The following POU6F2 variants were observed in gnomAD, a reference collection of about 807,000 sequenced individuals.
The protein encoded by POU6F2 is POU class 6 homeobox 2, also known as POU domain, class 6, transcription factor 2.
In POU6F2, 31 loss-of-function variants were observed where a neutral mutation model predicts 71.3. That is an observed-to-expected ratio of 0.43 (90% CI 0.33 to 0.59). The LOEUF (loss-of-function observed/expected upper bound fraction) is 0.59. Among genes scored for constraint, POU6F2 ranks in the 20% least tolerant of loss-of-function variants. The probability of loss-of-function intolerance (pLI) is 0.04; values close to 1 mark genes in which losing one functional copy is unlikely to be tolerated. For missense variants in POU6F2, 783 were observed against 856.8 expected, an observed-to-expected ratio of 0.91 and a Z score of 1.07; for synonymous variants, 347 against 355.7, an observed-to-expected ratio of 0.98 and a Z score of 0.27.
chr7:39,342,160 A>T (rs1292615614), intron 5 of POU6F2, among the ~76,000 whole-genome samples: 1 of 149,364 alleles, frequency 6.7e-6, no homozygotes, highest in Non-Finnish European at 1.5e-5. Flanking sequence ...CTTGCTACAA[A>T]TTTTTTTTAA....
intron 4 of POU6F2, among the ~76,000 whole-genome samples, chr7:39,233,314 A>G (rs1794611998): frequency 6.6e-6 from 1 of 152,242 alleles, no homozygotes; most frequent in Non-Finnish European, 1.5e-5. Context: ...AAAAAAAAAA[A>G]AAATTCTGCT....
At chr7:39,265,908 A>G (rs1784230152) in intron 4 of POU6F2, among the ~76,000 whole-genome samples, 1 of 152,226 alleles carries the variant, frequency 6.6e-6, no homozygotes. Context: ...AGTGTCTCCA[A>G]GGAGTTTCCA....
At chr7:39,320,039 G>T (rs540223590) in intron 4 of POU6F2, among the ~76,000 whole-genome samples, 171 of 152,296 alleles carry the variant, frequency 1.1e-3, no homozygotes, top group African/African-American at 3.8e-3. Context: ...CTTTAAGCCG[G>T]CTCAGAGGGT....
intron 2 of POU6F2, among the ~76,000 whole-genome samples, chr7:39,101,228 C>T (rs1301712958): frequency 1.3e-5 from 2 of 151,980 alleles, no homozygotes; most frequent in African/African-American, 4.8e-5. Flanking sequence ...CACCCGCCAC[C>T]AAACCCAGCT....
chr7:39,205,452 A>C (rs1436887585), intron 3 of POU6F2, among the ~76,000 whole-genome samples: 2 of 151,910 alleles, frequency 1.3e-5, no homozygotes, highest in Admixed American at 6.6e-5. Flanking sequence ...CAAACTGGAG[A>C]GTGCATGCCC....
intron 1 of POU6F2, among the ~76,000 whole-genome samples, chr7:39,027,880 G>T (rs1324043832): frequency 2.6e-5 from 4 of 151,960 alleles, no homozygotes; most frequent in Non-Finnish European, 5.9e-5. Context: ...TTTTCTACCT[G>T]GGGTACAAGT....
At chr7:39,192,230 A>G (rs1793684003) in intron 2 of POU6F2, among the ~76,000 whole-genome samples, 1 of 152,222 alleles carries the variant, frequency 6.6e-6, no homozygotes, top group Admixed American at 6.5e-5. Flanking sequence ...ACTGAGTTCT[A>G]AATGACCCTC....
chr7:38,987,842 G>A (rs1788500548), intron 1 of POU6F2, among the ~76,000 whole-genome samples: 1 of 151,106 alleles, frequency 6.6e-6, no homozygotes, highest in Non-Finnish European at 1.5e-5. Context: ...ATGGGAGTGT[G>A]AGCTGACCAT....
At chr7:39,069,066 T>A (rs1584526586) in intron 1 of POU6F2, among the ~76,000 whole-genome samples, 1 of 152,254 alleles carries the variant, frequency 6.6e-6, no homozygotes, top group South Asian at 2.1e-4. Context: ...ATATAGAACC[T>A]CTGCGACATT....
intron 4 of POU6F2, among the ~76,000 whole-genome samples, chr7:39,229,893 C>T (rs896794583): frequency 1.3e-5 from 2 of 152,198 alleles, no homozygotes; most frequent in South Asian, 2.1e-4. Context: ...ATGCAGCTCA[C>T]GTTTATTGAG....
At chr7:39,366,419 CAGAG>C (rs1313078746) in intron 5 of POU6F2, among the ~76,000 whole-genome samples, 1 of 152,146 alleles carries the variant, frequency 6.6e-6, no homozygotes, top group Non-Finnish European at 1.5e-5. Context: ...CAAGGCATGA[CAGAG>C]AGCCAGGAGC....
intron 2 of POU6F2, among the ~76,000 whole-genome samples, chr7:39,088,709 T>G (rs1791305523): frequency 6.6e-6 from 1 of 152,242 alleles, no homozygotes; most frequent in African/African-American, 2.4e-5. Flanking sequence ...TTTAGTTTCA[T>G]GGAGAGACAT....
chr7:39,426,130 C>T (rs1488143107), intron 6 of POU6F2, among the ~76,000 whole-genome samples: 1 of 152,150 alleles, frequency 6.6e-6, no homozygotes, highest in Non-Finnish European at 1.5e-5. Flanking sequence ...GAATGGTTCC[C>T]ATCCTGCTCC....
intron 2 of POU6F2, among the ~76,000 whole-genome samples, chr7:39,168,664 G>T (rs1393558550): frequency 6.6e-6 from 1 of 152,232 alleles, no homozygotes; most frequent in Non-Finnish European, 1.5e-5. Flanking sequence ...CTTAACTGGA[G>T]TGGTGCAAAT....
In POU6F2 at chr7:39,262,141, A is replaced by G. The variant is rs1228294057; in HGVS notation, c.598+54521A>G. Among the ~76,000 whole-genome samples the G allele has an allele frequency of 3.3e-5, 5 of 152,310 alleles. No individual in the cohort carries two copies. The South Asian group carries it at 6.2e-4, about 19-fold the overall frequency. ...CTTAGACCAGTTTATAGCCAAATGT[A>G]AGCTTCATATATTACATCATTATGC... On this transcript the variant is annotated intron_variant, in intron 4 of 9. Coordinates refer to ENST00000518318, the MANE Select transcript of POU6F2 (RefSeq NM_001370959.1).
At chr7:39,238,392 A>C (rs1358242561) in intron 4 of POU6F2, among the ~76,000 whole-genome samples, 5 of 152,116 alleles carry the variant, frequency 3.3e-5, no homozygotes, top group Admixed American at 3.3e-4. Context: ...GGGCTTGGCA[A>C]ACTTCAGTCT....
intron 6 of POU6F2, among the ~76,000 whole-genome samples, chr7:39,426,900 C>A (rs1787986857): frequency 6.6e-6 from 1 of 152,162 alleles, no homozygotes; most frequent in Non-Finnish European, 1.5e-5. Flanking sequence ...TAGTCCCTCC[C>A]CTGGAATGCA....
intron 4 of POU6F2, among the ~76,000 whole-genome samples, chr7:39,264,050 C>T (rs11761411): frequency 0.11 from 17,181 of 152,236 alleles, 1,197 homozygotes; most frequent in Non-Finnish European, 0.15. Flanking sequence ...TACTTCTTGA[C>T]GGTCTCAAGG....
chr7:39,175,831 C>A (rs1793316822), intron 2 of POU6F2, among the ~76,000 whole-genome samples: 1 of 152,116 alleles, frequency 6.6e-6, no homozygotes, highest in Non-Finnish European at 1.5e-5. Context: ...GAAGACCCCA[C>A]TCCAGAAACC....
Sources: allele counts gnomAD v4.1 joint callset (sites outside exome capture counted in the v4.1 genomes callset), GRCh38; gene constraint gnomAD v4.1.1; transcripts MANE v1.5; gene names NCBI Gene and HGNC (gene_info 2026-07-23, HGNC 2026-07-21).